The following CADM3 variants were observed in gnomAD, a reference collection of about 807,000 sequenced individuals.
CADM3 encodes TSLC1-like 1.
CADM3 carries 11 observed loss-of-function variants against 44.9 expected under a neutral mutation model. The ratio of observed to expected loss-of-function variants is 0.25; its 90% CI spans 0.15 to 0.41. CADM3 has a LOEUF of 0.41. Among genes scored for constraint, CADM3 ranks in the 10% least tolerant of loss-of-function variants. The pLI is 1.00. For synonymous variants in CADM3, 207 were observed against 205.2 expected (o/e 1.01, Z -0.08); for missense variants, 426 against 512.0 (o/e 0.83, Z 1.62).
chr1:159,198,117 C>CAGGCAG (rs1350572131), intron 7 of CADM3: 2 of 152,212 alleles, frequency 1.3e-5, no homozygotes, highest in African/African-American at 4.8e-5. Flanking sequence ...GCTCAACAGC[C>CAGGCAG]AGGCAGAGGG....
intron 1 of CADM3, among the ~76,000 whole-genome samples, chr1:159,185,254 G>T (rs1023809189): frequency 6.6e-6 from 1 of 152,184 alleles, no homozygotes; most frequent in Non-Finnish European, 1.5e-5. Context: ...CCACAGGACC[G>T]TCAACACCAC....
chr1:159,194,122 G>A lies in CADM3; in HGVS notation c.691+82G>A, dbSNP rs998746596. 6 of 1,405,892 alleles carry A rather than the reference G, an allele frequency of 4.3e-6. No individual in the cohort carries two copies. In the Admixed American group the frequency reaches 6.1e-5, roughly 14 times the overall value. 87.1% of individuals were successfully genotyped at this position (1,405,892 alleles called of 1,614,324 possible). A position where few individuals can be genotyped will look rare whatever the true frequency, so the allele number is the denominator to read the frequency against. On this transcript the variant is annotated intron_variant, in intron 5 of 8. Coordinates refer to ENST00000368125, the MANE Select transcript of CADM3 (RefSeq NM_001127173.3). ...AAAGAGAATGCAGGTGACTGTGCAT[G>A]AAACAACACGCACAGTTAAGTGAAT...
chr1:159,190,287 C>T (rs1220727235), intron 1 of CADM3, among the ~76,000 whole-genome samples: 1 of 152,188 alleles, frequency 6.6e-6, no homozygotes, highest in African/African-American at 2.4e-5. Flanking sequence ...GAATATATCA[C>T]TTTCAGCTTT....
intron 7 of CADM3, chr1:159,198,228 C>A: frequency 6.6e-6 from 1 of 152,120 alleles, no homozygotes; most frequent in East Asian, 1.9e-4. Flanking sequence ...GGGACTGGAA[C>A]GAAATTAAAT....
At chr1:159,187,792 AAAC>A (rs1649478556) in intron 1 of CADM3, among the ~76,000 whole-genome samples, 1 of 152,058 alleles carries the variant, frequency 6.6e-6, no homozygotes, top group Non-Finnish European at 1.5e-5. Context: ...ACAACCGGAA[AAAC>A]AATATGAGCA....
intron 1 of CADM3, chr1:159,189,794 G>A: frequency 1.2e-6 from 2 of 1,607,378 alleles, no homozygotes; most frequent in South Asian, 1.1e-5. Flanking sequence ...GCAGGATTTG[G>A]AGCTGGGAAC....
intron 1 of CADM3, among the ~76,000 whole-genome samples, chr1:159,177,154 G>C (rs1032013178): frequency 6.6e-6 from 1 of 152,080 alleles, no homozygotes; most frequent in African/African-American, 2.4e-5. Context: ...CACATTAAAA[G>C]CCCCTCCATC....
chr1:159,172,287 T>C (rs1273897070), intron 1 of CADM3, among the ~76,000 whole-genome samples: 3 of 152,056 alleles, frequency 2.0e-5, no homozygotes, highest in African/African-American at 4.8e-5. Flanking sequence ...GTCGGGTGTT[T>C]GTGTATGTAT....
chr1:159,198,635 G>A (rs1344657641), intron 7 of CADM3, among the ~76,000 whole-genome samples: 3 of 152,166 alleles, frequency 2.0e-5, no homozygotes, highest in African/African-American at 7.2e-5. Flanking sequence ...GAGTCAATGA[G>A]GCATTAAGAC....
intron 1 of CADM3, among the ~76,000 whole-genome samples, chr1:159,190,673 C>G (rs554430579): frequency 5.3e-5 from 8 of 152,324 alleles, no homozygotes; most frequent in African/African-American, 1.9e-4. Context: ...TCCTCAGGGC[C>G]TCTGCTCTGC....
Position 159,193,399 on chromosome 1 carries a change from C to T in CADM3, c.383-24C>T, listed in dbSNP as rs375806653. The T allele has an allele frequency of 3.2e-6, 5 of 1,571,590 alleles. No individual in the cohort carries two copies. The Admixed American group carries it at 8.7e-5, about 27-fold the overall frequency. On this transcript the variant is annotated intron_variant, in intron 3 of 8. Coordinates refer to ENST00000368125, the MANE Select transcript of CADM3 (RefSeq NM_001127173.3). ...CCCCATGGGGCCTCTCCTTCCTATCCTGGCCATCCCCTATCCATGGCAGGA... is the reference window on the plus strand; with the variant it reads ...CCCCATGGGGCCTCTCCTTCCTATCTTGGCCATCCCCTATCCATGGCAGGA...
At chr1:159,172,952 C>G (rs1648875884) in intron 1 of CADM3, among the ~76,000 whole-genome samples, 1 of 152,066 alleles carries the variant, frequency 6.6e-6, no homozygotes, top group Non-Finnish European at 1.5e-5. Flanking sequence ...AGCCTCAGGT[C>G]CCTGAGGAGG....
Position 159,192,624 on chromosome 1 carries a change from G to A in CADM3, c.276G>A (p.Glu92=). 6.2e-7 allele frequency: 1 copy of A among 1,614,170 alleles called. No homozygotes were observed. The highest frequency in any genetic ancestry group is 8.5e-7 in the Non-Finnish European group (1 of 1,180,034). ...RIQLVTSTPH[E]LSISISNVAL... ...AGCTGGTTACCTCTACGCCCCACGAGCTCAGCATCAGCATCAGCAATGTGG... is the reference window on the plus strand; with the variant it reads ...AGCTGGTTACCTCTACGCCCCACGAACTCAGCATCAGCATCAGCAATGTGG... Residue 92 remains glutamate, a synonymous_variant, in exon 3 of 9, where the codon GAG becomes GAA. Transcript: ENST00000368125.
chr1:159,179,642 A>T (rs560114155), intron 1 of CADM3, among the ~76,000 whole-genome samples: 1 of 152,100 alleles, frequency 6.6e-6, no homozygotes, highest in Non-Finnish European at 1.5e-5. Flanking sequence ...TTTTACTTTT[A>T]CCCTTCTATG....
At position 159,203,038 on chromosome 1, in the gene CADM3, T is replaced by C. The variant is rs983244605; in HGVS notation, c.*2116T>C. On this transcript the variant is annotated 3_prime_UTR_variant, in exon 9 of 9. Coordinates refer to ENST00000368125, the MANE Select transcript of CADM3 (RefSeq NM_001127173.3). ...GTGTGTCTGTCCAGGGGTGGGGGGG[T>C]GGGGGAAGGGAGCAGGGAGGGGACC... 1 of 20,924 alleles carries C rather than the reference T, an allele frequency of 4.8e-5. No homozygotes were observed. The highest frequency in any genetic ancestry group is 9.5e-5 in the Non-Finnish European group (1 of 10,574). 1.3% of individuals were successfully genotyped at this position (20,924 alleles called of 1,614,324 possible).
intron 3 of CADM3, 84 bp from the exon 4 acceptor site, chr1:159,193,339 G>A (rs1649747137): frequency 1.4e-6 from 2 of 1,400,004 alleles, no homozygotes; most frequent in African/African-American, 1.4e-5. Flanking sequence ...CAGGTACGCA[G>A]AGAAGCCATC....
intron 1 of CADM3, among the ~76,000 whole-genome samples, chr1:159,177,738 A>C (rs1404250451): frequency 6.6e-6 from 1 of 152,206 alleles, no homozygotes; most frequent in Non-Finnish European, 1.5e-5. Context: ...AGCAATTCTT[A>C]GGTTAAAAAA....
At chr1:159,177,802 C>T (rs1649083588) in intron 1 of CADM3, among the ~76,000 whole-genome samples, 1 of 152,140 alleles carries the variant, frequency 6.6e-6, no homozygotes, top group African/African-American at 2.4e-5. Context: ...CTACAGTGAC[C>T]TCAAATGGCC....
At chr1:159,183,337 C>T (rs1164805016) in intron 1 of CADM3, among the ~76,000 whole-genome samples, 1 of 152,090 alleles carries the variant, frequency 6.6e-6, no homozygotes, top group East Asian at 1.9e-4. Context: ...CTGTATGCCT[C>T]CTAGGAGAGT....
Sources: allele counts gnomAD v4.1 joint callset (sites outside exome capture counted in the v4.1 genomes callset), GRCh38; gene constraint gnomAD v4.1.1; transcripts MANE v1.5; gene names NCBI Gene and HGNC (gene_info 2026-07-23, HGNC 2026-07-21).